STX1A: variants seen among roughly 807,000 people sequenced by gnomAD.
The protein encoded by STX1A is syntaxin 1A, also known as syntaxin-1A.
In STX1A, 4 loss-of-function variants were observed where a neutral mutation model predicts 37.8. That is an observed-to-expected ratio of 0.11 (90% CI 0.05 to 0.24). The LOEUF (loss-of-function observed/expected upper bound fraction) is 0.24, where lower values mean the gene tolerates loss of function less well. STX1A is among the 10% of genes least tolerant of loss of function. STX1A has a pLI of 1.00. For missense variants in STX1A, 251 were observed against 399.9 expected (o/e 0.63, Z 3.18); for synonymous variants, 135 against 147.4 (o/e 0.92, Z 0.61).
chr7:73,701,677 C>T (rs577555719), intron 8 of STX1A, among the ~76,000 whole-genome samples: 7 of 152,192 alleles, frequency 4.6e-5, no homozygotes, highest in Non-Finnish European at 7.3e-5. Flanking sequence ...CCAAGTCCAT[C>T]GGTTGCCTTC....
chr7:73,703,665 C>T, intron 7 of STX1A, 90 bp downstream of exon 7: 1 of 1,459,664 alleles, frequency 6.9e-7, no homozygotes, highest in South Asian at 1.2e-5. Context: ...GGGTCTGTGT[C>T]CAAATACTGT....
chr7:73,703,953 G>GCCCCCC, intron 6 of STX1A, 125 bp from the exon 7 acceptor site: 2 of 1,082,204 alleles, frequency 1.8e-6, no homozygotes, highest in Non-Finnish European at 2.6e-6. Context: ...GCAGCCTCAG[G>GCCCCCC]CCCCGCCCCC....
rs1799317036 is a variant in STX1A, at chr7:73,717,215, G to A, written c.30+2387C>T. Among the ~76,000 whole-genome samples, 1 of 131,034 alleles carries A rather than the reference G, an allele frequency of 7.6e-6. No individual in the cohort carries two copies. The highest frequency in any genetic ancestry group is 1.6e-5 in the Non-Finnish European group (1 of 61,688). 86.0% of individuals were successfully genotyped at this position (131,034 alleles called of 152,430 possible). On this transcript the variant is annotated intron_variant, in intron 1 of 9. Coordinates refer to ENST00000222812, the MANE Select transcript of STX1A (RefSeq NM_004603.4). This position sits in a 1 kb window ranked among gnomAD's most constrained non-coding sequence, Gnocchi z 4.1. Reference sequence around the variant, plus strand: ...GAGAAAGAAGAGGGAGGAGGAGGAGGAAGAGGGAGGGAGGGAGGGCTGGGA... The same window carrying A: ...GAGAAAGAAGAGGGAGGAGGAGGAGAAAGAGGGAGGGAGGGAGGGCTGGGA...
chr7:73,715,195 G>A (rs1194908547), intron 1 of STX1A, among the ~76,000 whole-genome samples: 7 of 151,386 alleles, frequency 4.6e-5, no homozygotes, highest in African/African-American at 1.5e-4. Flanking sequence ...AGGCCGAGGC[G>A]GGCAGATCAC....
Position 73,700,852 on chromosome 7 carries a change from G to T in STX1A, c.679-12C>A. ...TCAATCATCTCTCCCTGCGGGGCCGGGGGCACCCGAGCTCCAGAGGGCCCC... is the reference window on the plus strand; with the variant it reads ...TCAATCATCTCTCCCTGCGGGGCCGTGGGCACCCGAGCTCCAGAGGGCCCC... On this transcript the variant is annotated splice_polypyrimidine_tract_variant and intron_variant, in intron 8 of 9. Coordinates refer to ENST00000222812, the MANE Select transcript of STX1A (RefSeq NM_004603.4). This position sits in a 1 kb window ranked among gnomAD's most constrained non-coding sequence, Gnocchi z 4.4. The T allele has an allele frequency of 6.2e-7, 1 of 1,612,532 alleles. No individual in the cohort carries two copies.
chr7:73,702,700 C>A lies in STX1A; in HGVS notation c.678+145G>T. 6.6e-7 allele frequency: 1 copy of A among 1,515,268 alleles called. No homozygotes were observed. Among genetic ancestry groups the A allele is most frequent in the South Asian group, 1.3e-5 (1 of 77,078 alleles). The allele number at this position is 1,515,268 out of a possible 1,614,324, so 93.9% of individuals were successfully genotyped here. On this transcript the variant is annotated intron_variant, in intron 8 of 9. Transcript: ENST00000222812. This position sits in a 1 kb window ranked among gnomAD's most constrained non-coding sequence, Gnocchi z 4.7. ...GACCTTCGGGTCGGCAGGGCCCTGG[C>A]GGCAGTTTCAACAGCGGGTGATTGG...
At chr7:73,708,770 T>C in intron 2 of STX1A, 82 bp from the exon 3 acceptor site, 1 of 1,463,426 alleles carries the variant, frequency 6.8e-7, no homozygotes, top group Non-Finnish European at 9.4e-7. Context: ...AGAGTAGGGC[T>C]GCGGTCAGGG....
rs556330425 is a variant in STX1A at position 73,707,626 on chromosome 7, C to T, written c.208+963G>A. On this transcript the variant is annotated intron_variant, in intron 3 of 9. Transcript: ENST00000222812. Reference sequence around the variant, plus strand: ...CAGTTGCCTTAGAAAAAAGCCAGTTCGAAATGAAAAAAAATACCTTCTTGG... The same window carrying T: ...CAGTTGCCTTAGAAAAAAGCCAGTTTGAAATGAAAAAAAATACCTTCTTGG... Among the ~76,000 whole-genome samples, 17 of 152,174 alleles carry T rather than the reference C, an allele frequency of 1.1e-4. No homozygotes were observed. The South Asian group carries it at 2.9e-3, about 26-fold the overall frequency.
intron 7 of STX1A, 58 bp from the exon 8 acceptor site, chr7:73,703,040 GCCGA>G: frequency 8.0e-7 from 1 of 1,252,818 alleles, no homozygotes; most frequent in Non-Finnish European, 1.1e-6. Context: ...AGGGCAGAGG[GCCGA>G]GGGGGAGGGC....
intron 1 of STX1A, among the ~76,000 whole-genome samples, chr7:73,716,125 C>T (rs1488243774): frequency 2.6e-5 from 4 of 152,226 alleles, no homozygotes; most frequent in Admixed American, 1.3e-4. Flanking sequence ...CCCGGGAGGC[C>T]GTTCCACCTG....
chr7:73,710,288 T>C (rs1799052629), intron 1 of STX1A, among the ~76,000 whole-genome samples: 1 of 152,266 alleles, frequency 6.6e-6, no homozygotes, highest in East Asian at 1.9e-4. Flanking sequence ...ATACCGCCAG[T>C]TGGCCAGGGT....
At position 73,702,669 on chromosome 7, in the gene STX1A, G is replaced by C. The variant is rs181742213; in HGVS notation, c.678+176C>G. 6.8e-7 allele frequency: 1 copy of C among 1,479,264 alleles called. No individual in the cohort carries two copies. The highest frequency in any genetic ancestry group is 1.4e-5 in the African/African-American group (1 of 71,748). 91.6% of individuals were successfully genotyped at this position (1,479,264 alleles called of 1,614,324 possible). Reference sequence around the variant, plus strand: ...GAAGCTCAAGCAGAGCCATGCAGAGGACAGGGACCTTCGGGTCGGCAGGGC... The same window carrying C: ...GAAGCTCAAGCAGAGCCATGCAGAGCACAGGGACCTTCGGGTCGGCAGGGC... On this transcript the variant is annotated intron_variant, in intron 8 of 9. Transcript: ENST00000222812. This position sits in a 1 kb window ranked among gnomAD's most constrained non-coding sequence, Gnocchi z 4.7.
At chr7:73,713,663 G>A (rs2116768563) in intron 1 of STX1A, among the ~76,000 whole-genome samples, 1 of 152,342 alleles carries the variant, frequency 6.6e-6, no homozygotes, top group East Asian at 1.9e-4. Context: ...CCTGGAGGTC[G>A]AGGCTGCAGT....
rs1262314649 is a variant in STX1A at position 73,706,720 on chromosome 7, C to A, written c.209-1496G>T. ...AGACCCACTCCCCTGCTCTTTAGAG[C>A]CCTCCGTCCCCACCCCACAATCAGC... On this transcript the variant is annotated intron_variant, in intron 3 of 9. Transcript: ENST00000222812. The surrounding 1 kb of genome is among the most constrained non-coding windows in gnomAD (Gnocchi z 4.6). 6.6e-6 allele frequency among the ~76,000 whole-genome samples: 1 copy of A among 152,122 alleles called. No homozygotes were observed. Among genetic ancestry groups the A allele is most frequent in the Non-Finnish European group, 1.5e-5 (1 of 68,032 alleles).
At chr7:73,712,223 G>A (rs1393836859) in intron 1 of STX1A, among the ~76,000 whole-genome samples, 1 of 151,992 alleles carries the variant, frequency 6.6e-6, no homozygotes. Context: ...GGGCGAAGTG[G>A]GCCTTTCCTC....
intron 3 of STX1A, among the ~76,000 whole-genome samples, chr7:73,707,964 A>G (rs1399409724): frequency 1.4e-5 from 2 of 142,642 alleles, no homozygotes; most frequent in Non-Finnish European, 3.1e-5. Context: ...AAGAAAAGAA[A>G]AAAGGAAAAA....
intron 3 of STX1A, among the ~76,000 whole-genome samples, chr7:73,708,328 A>G (rs11977046): frequency 0.015 from 2,310 of 151,974 alleles, 62 homozygotes; most frequent in African/African-American, 0.052. Context: ...GGCGGGGCCG[A>G]TCGCCTCTCC....
intron 1 of STX1A, among the ~76,000 whole-genome samples, chr7:73,719,045 T>A (rs1029271290): frequency 1.3e-5 from 2 of 150,718 alleles, no homozygotes; most frequent in Non-Finnish European, 3.0e-5. Context: ...GAGCCACAGG[T>A]GACCAGGGTG....
At position 73,717,703 on chromosome 7, in the gene STX1A, C is replaced by T. The variant is rs1189572079; in HGVS notation, c.30+1899G>A. 1.3e-5 allele frequency among the ~76,000 whole-genome samples: 2 copies of T among 152,154 alleles called. No individual in the cohort carries two copies. The highest frequency in any genetic ancestry group is 2.4e-5 in the African/African-American group (1 of 41,422). On this transcript the variant is annotated intron_variant, in intron 1 of 9. Coordinates refer to ENST00000222812, the MANE Select transcript of STX1A (RefSeq NM_004603.4). This position sits in a 1 kb window ranked among gnomAD's most constrained non-coding sequence, Gnocchi z 4.1. ...GTGGGGAGGGTGGGGGTGTCTGGAGCGGAAGCCTCAGACCATTCAAAGCAA... is the reference window on the plus strand; with the variant it reads ...GTGGGGAGGGTGGGGGTGTCTGGAGTGGAAGCCTCAGACCATTCAAAGCAA...
Sources: gnomAD v4.1 joint callset for allele counts (sites outside exome capture counted in the v4.1 genomes callset) on GRCh38, gnomAD v4.1.1 for gene constraint, Gnocchi (gnomAD v3.1) non-coding constraint, MANE v1.5 for transcripts, NCBI Gene and HGNC (gene_info 2026-07-23, HGNC 2026-07-21) for gene names.